The following PCDH11X variants were observed in gnomAD, a reference collection of about 807,000 sequenced individuals.
PCDH11X encodes protocadherin-11 X-linked.
Under a neutral mutation model 53.3 loss-of-function variants are expected in PCDH11X, and 18 were observed. The ratio of observed to expected loss-of-function variants is 0.34; its 90% confidence interval spans 0.23 to 0.50. The LOEUF (loss-of-function observed/expected upper bound fraction) is 0.50. Ranked by LOEUF, PCDH11X falls within the 20% of genes least tolerant of loss-of-function variation. PCDH11X has a pLI of 0.98. For synonymous variants in PCDH11X, 279 were observed against 393.3 expected, an observed-to-expected ratio of 0.71 and a Z score of 3.44; for missense variants, 570 against 1,032.4, an observed-to-expected ratio of 0.55 and a Z score of 6.14.
chrX:92,155,790 C>A (rs1207594916), intron 6 of PCDH11X, among the ~76,000 whole-genome samples: 5 of 109,429 alleles, frequency 4.6e-5, no homozygotes, highest in Non-Finnish European at 9.5e-5. Flanking sequence ...CCGCGCCCGG[C>A]TAATTTTTTT....
intron 6 of PCDH11X, among the ~76,000 whole-genome samples, chrX:92,090,024 G>A (rs2064023692): frequency 9.2e-6 from 1 of 108,144 alleles, no homozygotes; most frequent in Non-Finnish European, 1.9e-5. Context: ...TGGTGTAATC[G>A]AATACCTACT....
chrX:91,976,289 T>G (rs1330503685), intron 6 of PCDH11X, among the ~76,000 whole-genome samples: 1 of 112,096 alleles, frequency 8.9e-6, no homozygotes, highest in Non-Finnish European at 1.9e-5. Flanking sequence ...GGTTATTAAG[T>G]GTGTTTTTGC....
intron 9 of PCDH11X, among the ~76,000 whole-genome samples, chrX:92,388,421 A>C (rs1267091005): frequency 9.3e-6 from 1 of 107,016 alleles, no homozygotes; most frequent in Non-Finnish European, 1.9e-5. Context: ...CTGAAATCAC[A>C]CACCTGTGCC....
At chrX:91,999,333 G>C (rs1227429260) in intron 6 of PCDH11X, among the ~76,000 whole-genome samples, 1 of 111,534 alleles carries the variant, frequency 9.0e-6, no homozygotes, top group Non-Finnish European at 1.9e-5. Flanking sequence ...GTTTTATTCA[G>C]TGCAGTTCTT....
intron 10 of PCDH11X, among the ~76,000 whole-genome samples, chrX:92,530,751 C>A (rs2074539194): frequency 9.0e-6 from 1 of 111,264 alleles, no homozygotes; most frequent in Non-Finnish European, 1.9e-5. Flanking sequence ...ACCATAGAAA[C>A]AATTGTATTA....
chrX:92,119,757 G>A (rs2064715678), intron 6 of PCDH11X, among the ~76,000 whole-genome samples: 1 of 111,911 alleles, frequency 8.9e-6, no homozygotes, highest in South Asian at 3.7e-4. Flanking sequence ...TTACCAAGTA[G>A]TGTGTGCTCT....
At chrX:92,238,226 T>C (rs2148380594) in intron 7 of PCDH11X, among the ~76,000 whole-genome samples, 1 of 111,828 alleles carries the variant, frequency 8.9e-6, no homozygotes, top group South Asian at 3.7e-4. Context: ...TTGGGGATTA[T>C]AAGACTAAAA....
At chrX:92,403,461 C>A (rs1414412851) in intron 9 of PCDH11X, among the ~76,000 whole-genome samples, 4 of 101,615 alleles carry the variant, frequency 3.9e-5, no homozygotes, top group Non-Finnish European at 5.8e-5. Context: ...CTCGTTTAGT[C>A]TGCTACTACA....
chrX:92,197,312 C>T (rs549871988), intron 6 of PCDH11X, among the ~76,000 whole-genome samples: 1 of 111,780 alleles, frequency 8.9e-6, no homozygotes, highest in African/African-American at 3.2e-5. Context: ...CTGAGAGTTT[C>T]TCCTATTTCA....
chrX:92,154,167 A>G (rs987416412), intron 6 of PCDH11X, among the ~76,000 whole-genome samples: 1 of 110,875 alleles, frequency 9.0e-6, no homozygotes, highest in African/African-American at 3.3e-5. Context: ...ATTGATTGGA[A>G]AGGAGGGCAT....
At chrX:92,526,923 A>C (rs762865535) in intron 10 of PCDH11X, among the ~76,000 whole-genome samples, 6 of 110,649 alleles carry the variant, frequency 5.4e-5, no homozygotes, top group Admixed American at 9.7e-5. Context: ...AATGTGGTAC[A>C]TACACACAGT....
chrX:92,566,321 C>A (rs1156704010), intron 10 of PCDH11X, among the ~76,000 whole-genome samples: 1 of 108,282 alleles, frequency 9.2e-6, no homozygotes, highest in Non-Finnish European at 1.9e-5. Flanking sequence ...AATGCAACAG[C>A]CAACTATCAA....
At chrX:92,268,986 G>T (rs2067893824) in intron 8 of PCDH11X, among the ~76,000 whole-genome samples, 1 of 112,154 alleles carries the variant, frequency 8.9e-6, no homozygotes, top group Non-Finnish European at 1.9e-5. Flanking sequence ...CAATTCTGTG[G>T]TTCTTATATG....
At chrX:92,228,000 A>G (rs920106028) in intron 7 of PCDH11X, among the ~76,000 whole-genome samples, 3 of 111,618 alleles carry the variant, frequency 2.7e-5, no homozygotes, top group African/African-American at 9.7e-5. Flanking sequence ...CATGGAAAAC[A>G]GACAGCAAAA....
intron 8 of PCDH11X, among the ~76,000 whole-genome samples, chrX:92,329,228 T>C (rs746056224): frequency 9.0e-6 from 1 of 111,359 alleles, no homozygotes; most frequent in South Asian, 3.8e-4. Flanking sequence ...TATGACAAAA[T>C]CTAACATTTA....
At chrX:92,183,312 A>G (rs2066029443) in intron 6 of PCDH11X, among the ~76,000 whole-genome samples, 1 of 97,396 alleles carries the variant, frequency 1.0e-5, no homozygotes, top group Admixed American at 1.2e-4. Flanking sequence ...TCTGGAGTGC[A>G]ATGGCACAAT....
chrX:92,603,799 G>A (rs1452122541), intron 10 of PCDH11X, among the ~76,000 whole-genome samples: 1 of 98,783 alleles, frequency 1.0e-5, no homozygotes, highest in Non-Finnish European at 2.1e-5. Flanking sequence ...AGAGAGTCAA[G>A]ATAGTAATTT....
chrX:91,949,994 A>G (rs1485945281), intron 6 of PCDH11X, among the ~76,000 whole-genome samples: 1 of 109,874 alleles, frequency 9.1e-6, no homozygotes, highest in Non-Finnish European at 1.9e-5. Context: ...GAAATACAGT[A>G]GACAATGACA....
chrX:92,541,217 A>G (rs1286309414), intron 10 of PCDH11X, among the ~76,000 whole-genome samples: 1 of 108,527 alleles, frequency 9.2e-6, no homozygotes, highest in Non-Finnish European at 1.9e-5. Flanking sequence ...AAAAAACTCA[A>G]GTTCTGACCA....
Sources: gnomAD v4.1 joint callset for allele counts (sites outside exome capture counted in the v4.1 genomes callset) on GRCh38, gnomAD v4.1.1 for gene constraint, MANE v1.5 for transcripts, NCBI Gene and HGNC (gene_info 2026-07-23, HGNC 2026-07-21) for gene names.